MEF2D: variants seen among roughly 807,000 people sequenced by gnomAD.
MEF2D encodes myocyte-specific enhancer factor 2D.
Under a neutral mutation model 59.3 loss-of-function variants are expected in MEF2D, and 10 were observed. The ratio of observed to expected loss-of-function variants is 0.17; its 90% CI spans 0.10 to 0.29. MEF2D has a LOEUF of 0.29. Among genes scored for constraint, MEF2D ranks in the 10% least tolerant of loss-of-function variants. The pLI, the probability that MEF2D is intolerant of heterozygous loss-of-function variation, is 1.00. For missense variants in MEF2D, 508 were observed against 699.4 expected, an observed-to-expected ratio of 0.73 and a Z score of 3.09; for synonymous variants, 305 against 295.0, an observed-to-expected ratio of 1.03 and a Z score of -0.35.
At chr1:156,490,418 T>TCCCTCCCTCGGGGACTC (rs1672713724) in intron 1 of MEF2D, 1 of 152,258 alleles carries the variant, frequency 6.6e-6, no homozygotes, top group Admixed American at 6.5e-5. Context: ...CCACCGTCTT[T>TCCCTCCCTCGGGGACTC]CCCTCCCTCG....
chr1:156,493,713 C>A (rs1245644452), intron 1 of MEF2D, among the ~76,000 whole-genome samples: 2 of 152,164 alleles, frequency 1.3e-5, no homozygotes, highest in Non-Finnish European at 2.9e-5. Context: ...GCAAGGACCT[C>A]TGCCTACCAA....
chr1:156,495,762 C>CAAAAAAAAAAAAAAAAA (rs372092331), intron 1 of MEF2D, among the ~76,000 whole-genome samples: 6 of 78,010 alleles, frequency 7.7e-5, no homozygotes, highest in African/African-American at 2.1e-4. Flanking sequence ...GACCAGGGGG[C>CAAAAAAAAAAAAAAAAA]AAAAAAAAAA....
At chr1:156,484,602 T>A (rs140949637) in intron 1 of MEF2D, among the ~76,000 whole-genome samples, 279 of 152,268 alleles carry the variant, frequency 1.8e-3, no homozygotes, top group African/African-American at 6.2e-3. Flanking sequence ...ACAAATGACA[T>A]ACACTGGGGA....
At chr1:156,484,697 T>C (rs1047717078) in intron 1 of MEF2D, among the ~76,000 whole-genome samples, 4 of 152,190 alleles carry the variant, frequency 2.6e-5, no homozygotes, top group African/African-American at 9.7e-5. Context: ...AGCCCACTAG[T>C]TGAACAGCTC....
In MEF2D at chr1:156,468,397, C is replaced by T. The variant is rs1174891110; in HGVS notation, c.1248-98G>A. 5 of 894,186 alleles carry T rather than the reference C, an allele frequency of 5.6e-6. No homozygotes were observed. The highest frequency in any genetic ancestry group is 5.0e-5 in the African/African-American group (3 of 59,688). The allele number at this position is 894,186 out of a possible 1,614,324, so 55.4% of individuals were successfully genotyped here. ...ACACCAGACAGAAAGTGAGAGAGAA[C>T]AAGAGGATGAGAATATGGGGGATGG... On this transcript the variant is annotated intron_variant, in intron 10 of 11. Transcript: ENST00000348159. The surrounding 1 kb of genome is among the most constrained non-coding windows in gnomAD (Gnocchi z 4.3).
intron 9 of MEF2D, among the ~76,000 whole-genome samples, chr1:156,469,643 C>T (rs1050325730): frequency 7.3e-5 from 11 of 150,098 alleles, no homozygotes. Flanking sequence ...AATCCCAGCA[C>T]TTTGAGAGGT....
At chr1:156,488,209 G>A (rs1290713905) in intron 1 of MEF2D, among the ~76,000 whole-genome samples, 1 of 152,240 alleles carries the variant, frequency 6.6e-6, no homozygotes, top group African/African-American at 2.4e-5. Flanking sequence ...GGGCCTTCCT[G>A]GTGGACATGG....
Position 156,479,787 on chromosome 1 carries a change from G to C in MEF2D, c.406C>G (p.Pro136Ala). 6.4e-7 allele frequency: 1 copy of C among 1,551,574 alleles called. No individual in the cohort carries two copies. The highest frequency in any genetic ancestry group is 8.7e-7 in the Non-Finnish European group (1 of 1,146,940). The change falls in exon 5 of 12, where the codon CCG (proline) becomes GCG (alanine). Residue 136 changes from proline (P) to alanine (A), a missense_variant. Pro to Ala is a conservative substitution (Grantham distance 27). Transcript: ENST00000348159. ...GLFRRYGSTV[P>A]APNFAMPVTV... The stretch of plus-strand genomic sequence containing the variant: ...ACAGGCATGGCAAAGTTGGGGGCCG[G>C]GACAGTTGACTAGACAGAAAGATGG...
At chr1:156,500,182 C>T (rs1283400747) in intron 1 of MEF2D, among the ~76,000 whole-genome samples, 1 of 152,164 alleles carries the variant, frequency 6.6e-6, no homozygotes, top group African/African-American at 2.4e-5. Context: ...CGTAAACCCC[C>T]TACACGAACA....
intron 9 of MEF2D, among the ~76,000 whole-genome samples, chr1:156,470,487 G>A (rs1671168281): frequency 6.6e-6 from 1 of 152,032 alleles, no homozygotes; most frequent in Non-Finnish European, 1.5e-5. Context: ...GGTAGTGGGA[G>A]TGCTGTGATA....
At position 156,477,158 on chromosome 1, in the gene MEF2D, C is replaced by A. The variant is rs755288626; in HGVS notation, c.709G>T (p.Val237Leu). 6.2e-7 allele frequency: 1 copy of A among 1,613,332 alleles called. No homozygotes were observed. Among genetic ancestry groups the A allele is most frequent in the East Asian group, 2.2e-5 (1 of 44,868 alleles). The change falls in exon 7 of 12, where the codon GTG becomes TTG. Residue 237 changes from valine to leucine, a missense_variant. This residue lies in a region of MEF2D where 481 missense variants were observed against 584.7 expected (regional missense o/e 0.82). Transcript: ENST00000348159. ...SARASPGLLP[V>L]ANGNSLNKVI... Reference sequence around the variant, plus strand: ...TTGTTTAGGCTGTTGCCATTGGCCACAGGGAGGAGGCCAGGGGAAGCCCGA... The same window carrying A: ...TTGTTTAGGCTGTTGCCATTGGCCAAAGGGAGGAGGCCAGGGGAAGCCCGA...
chr1:156,499,891 G>A (rs1308382243), intron 1 of MEF2D, among the ~76,000 whole-genome samples: 3 of 152,014 alleles, frequency 2.0e-5, no homozygotes, highest in Admixed American at 6.5e-5. Context: ...GGGCCCCGGA[G>A]ACACACACAC....
chr1:156,479,329 C>T lies in MEF2D; in HGVS notation c.625G>A (p.Asp209Asn). Residue 209 changes from aspartate (D) to asparagine (N), a missense_variant, in exon 6 of 12, where the codon GAC (aspartate) becomes AAC (asparagine). Asp to Asn is a conservative substitution (Grantham distance 23). Coordinates refer to ENST00000348159, the MANE Select transcript of MEF2D (RefSeq NM_005920.4). ...PASAGAMLGG[D>N]LNSANGACPS... The stretch of plus-strand genomic sequence containing the variant: ...CAGGCTCCGTTAGCACTGTTCAGGT[C>T]ACCCCCCAGCATGGCCCCTGGAGGA... 1.2e-6 allele frequency: 2 copies of T among 1,612,536 alleles called. No homozygotes were observed. The highest frequency in any genetic ancestry group is 1.7e-5 in the Admixed American group (1 of 59,692).
intron 7 of MEF2D, 100 bp downstream of exon 7, chr1:156,476,912 T>C: frequency 2.1e-6 from 3 of 1,402,952 alleles, no homozygotes; most frequent in Non-Finnish European, 9.9e-7. Flanking sequence ...AAGTCCTAAC[T>C]GCTGGCTAGC....
Position 156,479,590 on chromosome 1 carries a change from A to G in MEF2D, c.603T>C (p.Ser201=). The G allele has an allele frequency of 6.4e-7, 1 of 1,550,412 alleles. No individual in the cohort carries two copies. The highest frequency in any genetic ancestry group is 8.7e-7 in the Non-Finnish European group (1 of 1,147,090). The change falls in exon 5 of 12, where the codon AGT becomes AGC. Residue 201 remains serine, a synonymous_variant. Transcript: ENST00000348159. ...CCCACCTGCCAGCCCACTCACCCGCACTAGCTGGCCGCTGGGGCAGGCCAG... is the reference window on the plus strand; with the variant it reads ...CCCACCTGCCAGCCCACTCACCCGCGCTAGCTGGCCGCTGGGGCAGGCCAG... ...VSPGLPQRPA[S]AGAMLGGDLN...
rs200158767 is a variant in MEF2D, at chr1:156,479,301, G to A, written c.653C>T (p.Pro218Leu). The change falls in exon 6 of 12, where the codon CCC (proline) becomes CTC (leucine). Residue 218 changes from proline (P) to leucine (L), a missense_variant. Physicochemically the swap from Pro to Leu is moderately conservative, Grantham distance 98. Around this residue, in one of 2 missense-constraint regions of MEF2D, gnomAD observed 481 missense variants for 584.7 expected, o/e 0.82. Coordinates refer to ENST00000348159, the MANE Select transcript of MEF2D (RefSeq NM_005920.4). ...ATGACTGCACTCACCAACAGGGCTGGGGCAGGCTCCGTTAGCACTGTTCAG... is the reference window on the plus strand; with the variant it reads ...ATGACTGCACTCACCAACAGGGCTGAGGCAGGCTCCGTTAGCACTGTTCAG... ...GDLNSANGAC[P>L]SPVGNGYVSA... 2.5e-6 allele frequency: 4 copies of A among 1,612,626 alleles called. No individual in the cohort carries two copies. Among genetic ancestry groups the A allele is most frequent in the Non-Finnish European group, 3.4e-6 (4 of 1,179,438 alleles).
Position 156,468,454 on chromosome 1 carries a change from G to C in MEF2D, c.1248-155C>G, listed in dbSNP as rs1345744715. Among the ~76,000 whole-genome samples the C allele has an allele frequency of 6.6e-6, 1 of 152,126 alleles. No individual in the cohort carries two copies. Among genetic ancestry groups the C allele is most frequent in the Admixed American group, 6.5e-5 (1 of 15,278 alleles). On this transcript the variant is annotated intron_variant, in intron 10 of 11. Coordinates refer to ENST00000348159, the MANE Select transcript of MEF2D (RefSeq NM_005920.4). The surrounding 1 kb of genome is among the most constrained non-coding windows in gnomAD (Gnocchi z 4.3). ...GGGGAGAGGCAATTGGATGGAGAGT[G>C]ATCAGAAGAGGGTCGAATGAAGGGA...
At chr1:156,495,579 G>A (rs377542491) in intron 1 of MEF2D, among the ~76,000 whole-genome samples, 1 of 151,880 alleles carries the variant, frequency 6.6e-6, no homozygotes, top group Non-Finnish European at 1.5e-5. Flanking sequence ...GGCTGAGGCC[G>A]GAGGATCGCT....
chr1:156,480,366 A>G (rs746385600), intron 4 of MEF2D, among the ~76,000 whole-genome samples: 17 of 152,102 alleles, frequency 1.1e-4, no homozygotes, highest in Non-Finnish European at 1.9e-4. Context: ...CATCTGGACA[A>G]AGAGCACACT....
Sources: allele counts gnomAD v4.1 joint callset (sites outside exome capture counted in the v4.1 genomes callset), GRCh38; gene constraint gnomAD v4.1.1; regional missense constraint gnomAD v4.1.1; non-coding constraint Gnocchi (gnomAD v3.1); transcripts MANE v1.5; gene names NCBI Gene and HGNC (gene_info 2026-07-23, HGNC 2026-07-21).